The following KCNU1 variants were observed in gnomAD, a reference collection of about 807,000 sequenced individuals.
The protein encoded by KCNU1 is potassium calcium-activated channel subfamily U member 1.
KCNU1 carries 93 observed loss-of-function variants against 126.8 expected under a neutral mutation model. The observed-to-expected ratio is 0.73, with a 90% CI of 0.62 to 0.87. The LOEUF is 0.87. Ranked by LOEUF, KCNU1 falls within the 40% of genes least tolerant of loss-of-function variation. KCNU1 has a pLI of 0.00. For missense variants in KCNU1, 1,330 were observed against 1,367.1 expected, an observed-to-expected ratio of 0.97 and a Z score of 0.43; for synonymous variants, 523 against 494.2, an observed-to-expected ratio of 1.06 and a Z score of -0.77.
At chr8:36,916,036 A>C (rs1228756205) in intron 22 of KCNU1, among the ~76,000 whole-genome samples, 1 of 151,406 alleles carries the variant, frequency 6.6e-6, no homozygotes, top group African/African-American at 2.4e-5. Flanking sequence ...AAGGAAAGGA[A>C]GAAGGGAAAA....
chr8:36,846,596 A>G (rs1233054334), intron 18 of KCNU1, among the ~76,000 whole-genome samples: 1 of 152,028 alleles, frequency 6.6e-6, no homozygotes, highest in African/African-American at 2.4e-5. Flanking sequence ...GAGGTCAGGA[A>G]TTCAAGACCA....
chr8:36,908,669 T>G (rs1035368587), intron 20 of KCNU1, among the ~76,000 whole-genome samples: 4 of 151,934 alleles, frequency 2.6e-5, no homozygotes, highest in African/African-American at 9.7e-5. Context: ...GAAATTAAAT[T>G]TTTATAATAT....
rs201963125 is a variant in KCNU1 at position 36,905,830 on chromosome 8, T to C, written c.2106+26T>C. On this transcript the variant is annotated intron_variant, in intron 20 of 26. Transcript: ENST00000399881. Reference sequence around the variant, plus strand: ...GTAGGTGATCTTGCATCATCAAATCTCAAATAAGATAAAGCATTTCGTAGG... The same window carrying C: ...GTAGGTGATCTTGCATCATCAAATCCCAAATAAGATAAAGCATTTCGTAGG... 2,808 of 1,100,410 alleles carry C rather than the reference T, an allele frequency of 2.6e-3. 15 individuals are homozygous for C. The highest frequency in any genetic ancestry group is 8.1e-3 in the Middle Eastern group (39 of 4,820). 68.2% of individuals were successfully genotyped at this position (1,100,410 alleles called of 1,614,324 possible).
At chr8:36,832,029 A>T (rs534194494) in intron 10 of KCNU1, among the ~76,000 whole-genome samples, 75 of 152,292 alleles carry the variant, frequency 4.9e-4, no homozygotes, top group African/African-American at 1.8e-3. Flanking sequence ...TCCTTTTTCC[A>T]TTGCTTGTTT....
At chr8:36,894,188 A>C (rs1435141365) in intron 19 of KCNU1, among the ~76,000 whole-genome samples, 1 of 152,178 alleles carries the variant, frequency 6.6e-6, no homozygotes, top group Non-Finnish European at 1.5e-5. Flanking sequence ...ATACAAAAGC[A>C]TTGTGCTTAA....
In KCNU1 at chr8:36,845,897, C is replaced by T; in HGVS notation, c.1889C>T (p.Thr630Ile). The change falls in exon 18 of 27, where the codon ACA (threonine) becomes ATA (isoleucine). Residue 630 changes from threonine to isoleucine, a missense_variant and splice_region_variant. Physicochemically the swap from Thr to Ile is moderately conservative, Grantham distance 89. This residue lies in a region of KCNU1 where 1,054 missense variants were observed against 1,053.9 expected (regional missense o/e 1.00). Transcript: ENST00000399881. The stretch of plus-strand genomic sequence containing the variant: ...AAAAGCAGAAGCCGGCAGCACATCA[C>T]AGGTAATTGCACTTTATTTCTGGCT... ...GCKSRSRQHI[T>I]VPSVKRMKKC... 1 of 1,572,944 alleles carries T rather than the reference C, an allele frequency of 6.4e-7. No individual in the cohort carries two copies. The highest frequency in any genetic ancestry group is 8.7e-7 in the Non-Finnish European group (1 of 1,150,940).
chr8:36,882,332 G>A (rs1309420756), intron 19 of KCNU1, among the ~76,000 whole-genome samples: 3 of 152,150 alleles, frequency 2.0e-5, no homozygotes, highest in African/African-American at 7.2e-5. Context: ...TTCTTGAGTA[G>A]CACAGAAAGT....
At chr8:36,905,845 C>T (rs751575683) in intron 20 of KCNU1, 41 bp downstream of exon 20, 1 of 931,720 alleles carries the variant, frequency 1.1e-6, no homozygotes, top group East Asian at 2.6e-5. Flanking sequence ...TAAGATAAAG[C>T]ATTTCGTAGG....
At chr8:36,819,357 G>A (rs1278082649) in intron 10 of KCNU1, among the ~76,000 whole-genome samples, 1 of 152,050 alleles carries the variant, frequency 6.6e-6, no homozygotes, top group African/African-American at 2.4e-5. Context: ...AGGAAAGCAA[G>A]CAACATTTTC....
intron 7 of KCNU1, among the ~76,000 whole-genome samples, chr8:36,813,006 G>T (rs1430051419): frequency 7.9e-5 from 12 of 152,112 alleles, no homozygotes; most frequent in Non-Finnish European, 1.8e-4. Flanking sequence ...TAGCTTAAAG[G>T]GAACCGTGCC....
At chr8:36,827,337 A>T (rs1198397474) in intron 10 of KCNU1, among the ~76,000 whole-genome samples, 2 of 152,286 alleles carry the variant, frequency 1.3e-5, no homozygotes, top group East Asian at 1.9e-4. Context: ...GCCAGTTTAT[A>T]TTTTGGAAAA....
rs1157699666 is a variant in KCNU1 at position 36,845,687 on chromosome 8, TG to T, written c.1793+23del. ...GTCAGAAGGTAATTTTATTATTTTA[TG>T]GGGGAAAAGCACTAAAGCAACTACA... On this transcript the variant is annotated intron_variant, in intron 17 of 26. Coordinates refer to ENST00000399881, the MANE Select transcript of KCNU1 (RefSeq NM_001031836.3). The T allele has an allele frequency of 1.3e-6, 2 of 1,565,682 alleles. No homozygotes were observed. The highest frequency in any genetic ancestry group is 1.4e-5 in the African/African-American group (1 of 73,920).
intron 18 of KCNU1, among the ~76,000 whole-genome samples, chr8:36,852,940 A>G (rs1045078448): frequency 6.6e-6 from 1 of 151,790 alleles, no homozygotes; most frequent in Non-Finnish European, 1.5e-5. Context: ...AATTTTTATT[A>G]TTTCCTCCTT....
chr8:36,833,032 CTT>C lies in KCNU1; in HGVS notation c.1107-520_1107-519del, dbSNP rs780850423. On this transcript the variant is annotated intron_variant, in intron 10 of 26. Coordinates refer to ENST00000399881, the MANE Select transcript of KCNU1 (RefSeq NM_001031836.3). ...GATCAAAGATCATTATATGTAATAA[CTT>C]TGTTTTTGTAATGTGTTGAGGCTTT... is the stretch of plus-strand genomic sequence containing the variant. Among the ~76,000 whole-genome samples, 211 of 152,054 alleles carry C rather than the reference CTT, an allele frequency of 1.4e-3. 1 individual carries two copies. Among genetic ancestry groups the C allele is most frequent in the Admixed American group, 7.2e-4 (11 of 15,256 alleles).
At chr8:36,880,731 G>A (rs1311377978) in intron 19 of KCNU1, among the ~76,000 whole-genome samples, 1 of 152,126 alleles carries the variant, frequency 6.6e-6, no homozygotes, top group Non-Finnish European at 1.5e-5. Flanking sequence ...GCCAAAAACT[G>A]CAGTTTTCAA....
At chr8:36,843,372 T>A (rs982013245) in intron 16 of KCNU1, among the ~76,000 whole-genome samples, 1 of 152,238 alleles carries the variant, frequency 6.6e-6, no homozygotes, top group African/African-American at 2.4e-5. Context: ...AATGTATTGA[T>A]AAGAACATTC....
At chr8:36,913,996 C>G (rs955069375) in intron 22 of KCNU1, among the ~76,000 whole-genome samples, 1 of 152,164 alleles carries the variant, frequency 6.6e-6, no homozygotes, top group South Asian at 2.1e-4. Context: ...TCATAAGTCT[C>G]TATCTGGAGT....
At chr8:36,840,621 C>A in intron 15 of KCNU1, 46 bp downstream of exon 15, 1 of 1,105,540 alleles carries the variant, frequency 9.0e-7, no homozygotes, top group Non-Finnish European at 1.4e-6. Context: ...CAACAGCATT[C>A]TTTCAACAAC....
At chr8:36,848,253 C>T (rs563907381) in intron 18 of KCNU1, among the ~76,000 whole-genome samples, 7 of 152,222 alleles carry the variant, frequency 4.6e-5, no homozygotes, top group East Asian at 3.9e-4. Context: ...ATGTCTCTTC[C>T]GTCTGTTGAT....
Sources: allele counts gnomAD v4.1 joint callset (sites outside exome capture counted in the v4.1 genomes callset), GRCh38; gene constraint gnomAD v4.1.1; regional missense constraint gnomAD v4.1.1; transcripts MANE v1.5; gene names NCBI Gene and HGNC (gene_info 2026-07-23, HGNC 2026-07-21).